LAMP5: variants seen among roughly 807,000 people sequenced by gnomAD.
The protein encoded by LAMP5 is lysosome-associated membrane glycoprotein 5.
A neutral mutation model predicts 30.2 loss-of-function variants in LAMP5; 36 were observed. The ratio of observed to expected loss-of-function variants is 1.19; its 90% CI spans 0.91 to 1.57. LAMP5 has a LOEUF of 1.57. Ranked by LOEUF, LAMP5 falls within the 40% of genes most tolerant of loss-of-function variation. LAMP5 has a pLI of 0.00. For missense variants in LAMP5, 377 were observed against 354.9 expected, an observed-to-expected ratio of 1.06 and a Z score of -0.50; for synonymous variants, 149 against 134.6, an observed-to-expected ratio of 1.11 and a Z score of -0.74.
At position 9,516,133 on chromosome 20, in the gene LAMP5, T is replaced by C; in HGVS notation, c.369+2T>C. 1 of 1,565,934 alleles carries C rather than the reference T, an allele frequency of 6.4e-7. No individual in the cohort carries two copies. Among genetic ancestry groups the C allele is most frequent in the South Asian group, 1.2e-5 (1 of 83,194 alleles). Reference sequence around the variant, plus strand: ...GCACTCAAAATGCTCTTTGTAAAGGTAACTCCGAGCCCAGCGGGCAGAGGG... The same window carrying C: ...GCACTCAAAATGCTCTTTGTAAAGGCAACTCCGAGCCCAGCGGGCAGAGGG... On this transcript the variant is annotated splice_donor_variant, in intron 3 of 5. Transcript: ENST00000246070. LOFTEE classifies it high-confidence loss of function.
chr20:9,520,415 A>C (rs957962899), intron 5 of LAMP5, among the ~76,000 whole-genome samples: 2 of 152,132 alleles, frequency 1.3e-5, no homozygotes, highest in African/African-American at 4.8e-5. Flanking sequence ...AATTTTAAAG[A>C]TTCCTTTTGG....
At chr20:9,515,396 G>T (rs1407718426) in intron 1 of LAMP5, 57 bp from the exon 2 acceptor site, 5 of 1,538,118 alleles carry the variant, frequency 3.3e-6, no homozygotes, top group Admixed American at 1.8e-5. Flanking sequence ...CCACCCTAGC[G>T]CCCGAGACGC....
rs1023845984 is a variant in LAMP5 at position 9,526,662 on chromosome 20, G to T, written c.665-2980G>T. Among the ~76,000 whole-genome samples, 10 of 151,890 alleles carry T rather than the reference G, an allele frequency of 6.6e-5. 1 individual carries two copies. The highest frequency in any genetic ancestry group is 2.6e-4 in the Admixed American group (4 of 15,248). ...ACTCATTAGAATGGAATCAAATAGT[G>T]GGGGGAAAAGTTTCCTGAAAATTCT... On this transcript the variant is annotated intron_variant, in intron 5 of 5. Coordinates refer to ENST00000246070, the MANE Select transcript of LAMP5 (RefSeq NM_012261.4).
Position 9,516,324 on chromosome 20 carries a change from C to T in LAMP5, c.438C>T (p.Asp146=), listed in dbSNP as rs766941686. The T allele has an allele frequency of 6.2e-7, 1 of 1,614,152 alleles. No individual in the cohort carries two copies. The highest frequency in any genetic ancestry group is 8.5e-7 in the Non-Finnish European group (1 of 1,180,046). The change falls in exon 4 of 6, where the codon GAC becomes GAT. Residue 146 remains aspartate, a synonymous_variant. Coordinates refer to ENST00000246070, the MANE Select transcript of LAMP5 (RefSeq NM_012261.4). ...TGAGCAAAGTGCAGTTTGTCTACGA[C>T]TCCTCGGAGAAAACCCACTTCAAAG... is the stretch of plus-strand genomic sequence containing the variant. ...WRLSKVQFVY[D]SSEKTHFKDA... is the part of the protein sequence containing the mutation.
Position 9,514,694 on chromosome 20 carries a change from G to A in LAMP5, c.-159G>A. On this transcript the variant is annotated 5_prime_UTR_variant, in exon 1 of 6. Coordinates refer to ENST00000246070, the MANE Select transcript of LAMP5 (RefSeq NM_012261.4). The stretch of plus-strand genomic sequence containing the variant: ...CTGTCGGTGCCGCGCTCGACACCGA[G>A]TCCTAGCTAGGCGCTCACAGAATAC... The A allele has an allele frequency of 1.6e-6, 1 of 622,566 alleles. No homozygotes were observed. The highest frequency in any genetic ancestry group is 2.8e-6 in the Non-Finnish European group (1 of 353,922). 38.6% of individuals were successfully genotyped at this position (622,566 alleles called of 1,614,324 possible).
chr20:9,525,071 AT>A (rs565357286), intron 5 of LAMP5, among the ~76,000 whole-genome samples: 16 of 150,988 alleles, frequency 1.1e-4, no homozygotes, highest in South Asian at 6.3e-4. Flanking sequence ...GATTAATTCT[AT>A]TTTTTTTTCC....
chr20:9,529,860 C>A lies in LAMP5; in HGVS notation c.*40C>A. On this transcript the variant is annotated 3_prime_UTR_variant, in exon 6 of 6. Transcript: ENST00000246070. ...GCACCCCCTATTCCTGCTCCCCCAA[C>A]TGGATCAGGTAGAACAACAAAAGCA... The A allele has an allele frequency of 6.3e-7, 1 of 1,595,028 alleles. No homozygotes were observed. Among genetic ancestry groups the A allele is most frequent in the Middle Eastern group, 1.7e-4 (1 of 5,942 alleles).
intron 1 of LAMP5, 151 bp downstream of exon 1, chr20:9,515,067 G>C: frequency 4.2e-6 from 3 of 710,688 alleles, no homozygotes; most frequent in Non-Finnish European, 7.2e-6. Context: ...GAGGAGGGAG[G>C]GCCTTCCTCG....
Position 9,516,052 on chromosome 20 carries a change from G to A in LAMP5, c.290G>A (p.Gly97Asp). ...IALTRGAEVK[G>D]RCGHSQSELQ... is the part of the protein sequence containing the mutation. ...TTGACCCGGGGAGCTGAGGTGAAGGGCCGCTGTGGCCACAGCCAGTCGGAG... is the reference window on the plus strand; with the variant it reads ...TTGACCCGGGGAGCTGAGGTGAAGGACCGCTGTGGCCACAGCCAGTCGGAG... Residue 97 changes from glycine to aspartate, a missense_variant, in exon 3 of 6, where the codon GGC becomes GAC. Transcript: ENST00000246070. 1 of 1,540,870 alleles carries A rather than the reference G, an allele frequency of 6.5e-7. No homozygotes were observed. Among genetic ancestry groups the A allele is most frequent in the Non-Finnish European group, 8.7e-7 (1 of 1,150,390 alleles).
chr20:9,524,355 A>G (rs1204732540), intron 5 of LAMP5, among the ~76,000 whole-genome samples: 3 of 152,188 alleles, frequency 2.0e-5, no homozygotes, highest in Admixed American at 6.5e-5. Flanking sequence ...TTTTAAATGA[A>G]ACAGAATAGA....
At chr20:9,528,525 G>A (rs943026344) in intron 5 of LAMP5, among the ~76,000 whole-genome samples, 1 of 152,134 alleles carries the variant, frequency 6.6e-6, no homozygotes, top group Non-Finnish European at 1.5e-5. Flanking sequence ...AATTCTGGAG[G>A]TGATGAATAT....
intron 5 of LAMP5, among the ~76,000 whole-genome samples, chr20:9,520,722 C>G (rs1351937136): frequency 2.0e-5 from 3 of 152,094 alleles, no homozygotes; most frequent in Non-Finnish European, 2.9e-5. Context: ...CACCTGTCTA[C>G]TGAATAGGCC....
intron 5 of LAMP5, among the ~76,000 whole-genome samples, chr20:9,525,136 A>G (rs2045104319): frequency 6.6e-6 from 1 of 152,170 alleles, no homozygotes; most frequent in Admixed American, 6.5e-5. Flanking sequence ...CATTCTAAGC[A>G]TATTGTCTTT....
In LAMP5 at chr20:9,530,524, C is replaced by T. The variant is rs569246240; in HGVS notation, c.*704C>T. 1 of 152,522 alleles carries T rather than the reference C, an allele frequency of 6.6e-6. No homozygotes were observed. The highest frequency in any genetic ancestry group is 1.5e-5 in the Non-Finnish European group (1 of 68,040). The allele number at this position is 152,522 out of a possible 1,614,324, so 9.4% of individuals were successfully genotyped here. ...TGAAATAAAACACACTATTCTCTGGCCTTTGGCTGCTTTCTTGAAACAAGA... is the reference window on the plus strand; with the variant it reads ...TGAAATAAAACACACTATTCTCTGGTCTTTGGCTGCTTTCTTGAAACAAGA... On this transcript the variant is annotated 3_prime_UTR_variant, in exon 6 of 6. Coordinates refer to ENST00000246070, the MANE Select transcript of LAMP5 (RefSeq NM_012261.4).
intron 1 of LAMP5, 74 bp downstream of exon 1, chr20:9,514,990 A>G: frequency 7.4e-7 from 1 of 1,342,534 alleles, no homozygotes; most frequent in Non-Finnish European, 1.1e-6. Flanking sequence ...AAGTAAAGTC[A>G]ATTAGCTTGA....
chr20:9,520,840 T>C (rs1568944138), intron 5 of LAMP5, among the ~76,000 whole-genome samples: 1 of 152,136 alleles, frequency 6.6e-6, no homozygotes, highest in Non-Finnish European at 1.5e-5. Context: ...GTCCCTTTAG[T>C]GCATTGTACT....
intron 4 of LAMP5, among the ~76,000 whole-genome samples, chr20:9,517,621 A>C (rs62193580): frequency 6.7e-6 from 1 of 149,096 alleles, no homozygotes; most frequent in Middle Eastern, 3.2e-3. Context: ...TTGTAAATGT[A>C]TGTGTGTGTG....
intron 5 of LAMP5, among the ~76,000 whole-genome samples, chr20:9,519,179 A>T (rs1292791869): frequency 6.6e-6 from 1 of 152,178 alleles, no homozygotes; most frequent in African/African-American, 2.4e-5. Flanking sequence ...CTCACAAAGG[A>T]GGTTATTAAA....
chr20:9,514,795 T>G lies in LAMP5; in HGVS notation c.-58T>G. 1 of 1,549,274 alleles carries G rather than the reference T, an allele frequency of 6.5e-7. No homozygotes were observed. The highest frequency in any genetic ancestry group is 8.9e-7 in the Non-Finnish European group (1 of 1,123,382). ...CCACTCCAGCGGCGACTTTGAGGGA[T>G]TCCCTCTCTGGCGGCCTCTGCAGCA... On this transcript the variant is annotated 5_prime_UTR_variant, in exon 1 of 6. Coordinates refer to ENST00000246070, the MANE Select transcript of LAMP5 (RefSeq NM_012261.4).
Sources: gnomAD v4.1 joint callset for allele counts (sites outside exome capture counted in the v4.1 genomes callset) on GRCh38, gnomAD v4.1.1 for gene constraint, MANE v1.5 for transcripts, NCBI Gene and HGNC (gene_info 2026-07-23, HGNC 2026-07-21) for gene names.